Variants in NRG1 observed in about 807,000 individuals in gnomAD.
The protein encoded by NRG1 is pro-neuregulin-1, membrane-bound isoform.
A neutral mutation model predicts 63.8 loss-of-function variants in NRG1; 18 were observed. The observed-to-expected ratio is 0.28, with a 90% confidence interval of 0.19 to 0.42. The LOEUF (loss-of-function observed/expected upper bound fraction) is 0.42, where lower values mean the gene tolerates loss of function less well. NRG1 is among the 10% of genes least tolerant of loss of function. The pLI is 1.00. For missense variants in NRG1, 762 were observed against 814.7 expected (o/e 0.94, Z 0.79); for synonymous variants, 302 against 301.3 (o/e 1.00, Z -0.02).
At chr8:31,906,729 T>G (rs1832548920) in intron 1 of NRG1, among the ~76,000 whole-genome samples, 1 of 152,300 alleles carries the variant, frequency 6.6e-6, no homozygotes, top group South Asian at 2.1e-4. Flanking sequence ...TTAACTTCAT[T>G]GCTTTGTTAG....
At chr8:31,870,067 G>A (rs1397816468) in intron 1 of NRG1, among the ~76,000 whole-genome samples, 1 of 152,188 alleles carries the variant, frequency 6.6e-6, no homozygotes, top group Non-Finnish European at 1.5e-5. Context: ...TGGAGCTGAG[G>A]AAAAGGAATG....
rs1047828649 is a variant in NRG1 at position 31,893,381 on chromosome 8, T to C, written c.37+253950T>C. On this transcript the variant is annotated intron_variant, in intron 1 of 10. Transcript: ENST00000519301. ...TCTGAAAGTAAATATGTTCTCCTTA[T>C]AGTAGAGTGAAGGAAATCAGTTAAA... Among the ~76,000 whole-genome samples, 4 of 151,476 alleles carry C rather than the reference T, an allele frequency of 2.6e-5. No individual in the cohort carries two copies. The East Asian group carries it at 5.8e-4, about 22-fold the overall frequency.
chr8:32,305,902 C>G (rs905865834), intron 1 of NRG1, among the ~76,000 whole-genome samples: 4 of 152,184 alleles, frequency 2.6e-5, no homozygotes, highest in African/African-American at 9.7e-5. Context: ...GTCTTTGGTT[C>G]TCATCCCAGC....
chr8:32,465,841 A>G (rs1032282398), intron 1 of NRG1, among the ~76,000 whole-genome samples: 1 of 152,194 alleles, frequency 6.6e-6, no homozygotes, highest in African/African-American at 2.4e-5. Flanking sequence ...CATGGAGAGA[A>G]ATACTTCAGA....
intron 1 of NRG1, among the ~76,000 whole-genome samples, chr8:32,280,649 A>C (rs1040663552): frequency 3.4e-4 from 37 of 107,466 alleles, no homozygotes; most frequent in Non-Finnish European, 5.9e-4. Flanking sequence ...CTCACATGTC[A>C]TTGTGGGTGT....
intron 1 of NRG1, among the ~76,000 whole-genome samples, chr8:32,000,389 C>T (rs997209782): frequency 5.3e-5 from 8 of 151,364 alleles, no homozygotes; most frequent in Non-Finnish European, 8.8e-5. Context: ...TTTAAAAGAC[C>T]GTGTCTTACT....
At chr8:31,927,659 G>C (rs1206905055) in intron 1 of NRG1, among the ~76,000 whole-genome samples, 1 of 148,146 alleles carries the variant, frequency 6.8e-6, no homozygotes, top group Middle Eastern at 3.5e-3. Context: ...CGTTTTAGCC[G>C]GGATGGTCTC....
rs147452050 is a variant in NRG1 at position 32,335,537 on chromosome 8, C to A, written c.38-260291C>A. Reference sequence around the variant, plus strand: ...TATTTCCAAAATATAGTGTTAGGGGCCTGAAGGCCACAAAGAAGACTATTC... The same window carrying A: ...TATTTCCAAAATATAGTGTTAGGGGACTGAAGGCCACAAAGAAGACTATTC... On this transcript the variant is annotated intron_variant, in intron 1 of 10. Coordinates refer to the NRG1 transcript ENST00000519301. 2.6e-3 allele frequency among the ~76,000 whole-genome samples: 399 copies of A among 152,236 alleles called. 3 individuals carry two copies. The highest frequency in any genetic ancestry group is 8.9e-3 in the African/African-American group (371 of 41,540).
At chr8:31,853,731 T>A (rs1236168937) in intron 1 of NRG1, among the ~76,000 whole-genome samples, 2 of 151,530 alleles carry the variant, frequency 1.3e-5, no homozygotes, top group East Asian at 3.9e-4. Flanking sequence ...CCATTCAGTA[T>A]GATATTGGCT....
chr8:31,859,006 TTATGCTACAGAAA>T (rs1284296586), intron 1 of NRG1, among the ~76,000 whole-genome samples: 2 of 152,324 alleles, frequency 1.3e-5, no homozygotes, highest in African/African-American at 4.8e-5. Context: ...GTATAGATTT[TTATGCTACAGAAA>T]TAAACAAACT....
intron 1 of NRG1, among the ~76,000 whole-genome samples, chr8:31,800,934 A>G (rs184777064): frequency 9.7e-4 from 136 of 139,860 alleles, no homozygotes; most frequent in South Asian, 3.2e-3. Flanking sequence ...TCCACCTTCC[A>G]GGTTCACGCC....
chr8:32,151,746 T>C (rs1160447792), intron 1 of NRG1, among the ~76,000 whole-genome samples: 1 of 152,108 alleles, frequency 6.6e-6, no homozygotes, highest in Non-Finnish European at 1.5e-5. Context: ...GCAGATCAGA[T>C]CTAGAGCCAA....
intron 5 of NRG1, among the ~76,000 whole-genome samples, chr8:32,697,668 T>C (rs1359669430): frequency 1.3e-5 from 2 of 152,202 alleles, no homozygotes; most frequent in Admixed American, 1.3e-4. Context: ...ATGTATGTGC[T>C]AGAGCTGGTT....
chr8:32,334,751 G>C (rs73248796), intron 1 of NRG1, among the ~76,000 whole-genome samples: 20,377 of 152,180 alleles, frequency 0.13, 1,422 homozygotes, highest in Non-Finnish European at 0.15. Flanking sequence ...GTTGAAATTG[G>C]TTATTAATGT....
At chr8:32,087,930 C>G (rs930492496) in intron 1 of NRG1, among the ~76,000 whole-genome samples, 1 of 152,140 alleles carries the variant, frequency 6.6e-6, no homozygotes, top group Non-Finnish European at 1.5e-5. Flanking sequence ...TAAGACTTAG[C>G]TGAAGTCAAA....
intron 1 of NRG1, among the ~76,000 whole-genome samples, chr8:31,675,727 C>A (rs1250336688): frequency 6.6e-6 from 1 of 152,104 alleles, no homozygotes; most frequent in African/African-American, 2.4e-5. Flanking sequence ...AGTAATAACA[C>A]CTTACAATTG....
intron 1 of NRG1, among the ~76,000 whole-genome samples, chr8:31,766,283 C>A (rs1275605242): frequency 6.6e-6 from 1 of 152,156 alleles, no homozygotes; most frequent in South Asian, 2.1e-4. Context: ...TAAAAAAGAT[C>A]CCCTGAGTTG....
At chr8:32,313,870 A>G (rs1857083279) in intron 1 of NRG1, among the ~76,000 whole-genome samples, 1 of 152,106 alleles carries the variant, frequency 6.6e-6, no homozygotes. Flanking sequence ...TTATGTAGGC[A>G]TATTTATACA....
At chr8:32,551,934 G>A (rs1393868941) in intron 1 of NRG1, among the ~76,000 whole-genome samples, 1 of 127,408 alleles carries the variant, frequency 7.8e-6, no homozygotes, top group African/African-American at 3.2e-5. Flanking sequence ...TTTTTTTGAC[G>A]GAGTCTCGCT....
Sources: allele counts gnomAD v4.1 joint callset (sites outside exome capture counted in the v4.1 genomes callset), GRCh38; gene constraint gnomAD v4.1.1; transcripts MANE v1.5; gene names NCBI Gene and HGNC (gene_info 2026-07-23, HGNC 2026-07-21).